TXN2: variants seen among roughly 807,000 people sequenced by gnomAD.
TXN2 encodes the protein thioredoxin, mitochondrial.
A neutral mutation model predicts 14.6 loss-of-function variants in TXN2; 12 were observed. That is an observed-to-expected ratio of 0.82 (90% CI 0.53 to 1.33). The LOEUF is 1.33. TXN2 is among the 40% of genes most tolerant of loss of function. TXN2 has a pLI of 0.00. For synonymous variants in TXN2, 89 were observed against 81.0 expected (o/e 1.10, Z -0.53); for missense variants, 173 against 207.7 (o/e 0.83, Z 1.03).
At chr22:36,474,903 C>T (rs1449624960) in intron 3 of TXN2, among the ~76,000 whole-genome samples, 3 of 152,222 alleles carry the variant, frequency 2.0e-5, no homozygotes, top group African/African-American at 7.2e-5. Flanking sequence ...AGGAAGCCCC[C>T]AACCCAGACA....
intron 2 of TXN2, 146 bp downstream of exon 2, chr22:36,480,429 C>T: frequency 1.0e-6 from 1 of 960,490 alleles, no homozygotes; most frequent in Admixed American, 2.8e-5. Flanking sequence ...GACTGCATTC[C>T]CCTTGAGGGC....
chr22:36,468,072 T>C (rs1316392507), intron 3 of TXN2, among the ~76,000 whole-genome samples, 155 bp from the exon 4 acceptor site: 1 of 152,200 alleles, frequency 6.6e-6, no homozygotes, highest in Non-Finnish European at 1.5e-5. Context: ...CTTCTCTCGG[T>C]GCAGGGGTAC....
chr22:36,479,334 CTTTT>C (rs773194867), intron 2 of TXN2, among the ~76,000 whole-genome samples: 2 of 139,408 alleles, frequency 1.4e-5, no homozygotes, highest in African/African-American at 5.2e-5. Context: ...ATTTCTTTTT[CTTTT>C]TTTTTTTTTT....
At chr22:36,470,956 C>T (rs950745456) in intron 3 of TXN2, among the ~76,000 whole-genome samples, 2 of 151,848 alleles carry the variant, frequency 1.3e-5, no homozygotes, top group African/African-American at 2.4e-5. Flanking sequence ...AGCTTAAACA[C>T]ACACACGCAT....
At position 36,467,741 on chromosome 22, in the gene TXN2, T is replaced by C; in HGVS notation, c.*63A>G. The C allele has an allele frequency of 7.1e-7, 1 of 1,399,950 alleles. No homozygotes were observed. Among genetic ancestry groups the C allele is most frequent in the Non-Finnish European group, 1.0e-6 (1 of 987,820 alleles). 86.7% of individuals were successfully genotyped at this position (1,399,950 alleles called of 1,614,324 possible). ...AGGGAGGCAGCAGGAAGGGCTGGCA[T>C]GGAAGGGCTGAGTTCTATTGGGGTC... On this transcript the variant is annotated 3_prime_UTR_variant, in exon 4 of 4. Coordinates refer to ENST00000216185, the MANE Select transcript of TXN2 (RefSeq NM_012473.4).
intron 3 of TXN2, among the ~76,000 whole-genome samples, chr22:36,476,462 T>C (rs1456111462): frequency 1.3e-5 from 2 of 151,954 alleles, no homozygotes; most frequent in African/African-American, 4.8e-5. Context: ...CGTGGTGGTG[T>C]GCGCCTGTAG....
At chr22:36,481,007 G>A in intron 1 of TXN2, 170 bp from the exon 2 acceptor site, 1 of 713,980 alleles carries the variant, frequency 1.4e-6, no homozygotes, top group Non-Finnish European at 2.1e-6. Context: ...GAGAATCAAA[G>A]GGAAGGAACA....
intron 2 of TXN2, among the ~76,000 whole-genome samples, chr22:36,478,916 C>T (rs1933441700): frequency 1.3e-5 from 2 of 152,038 alleles, no homozygotes; most frequent in Non-Finnish European, 2.9e-5. Flanking sequence ...TGAACCACTG[C>T]AGTCCAGCCT....
In TXN2 at chr22:36,467,173, T is replaced by C. The variant is rs1211783852; in HGVS notation, c.*631A>G. 6.5e-6 allele frequency: 1 copy of C among 153,406 alleles called. No individual in the cohort carries two copies. 9.5% of individuals were successfully genotyped at this position (153,406 alleles called of 1,614,324 possible). A position where few individuals can be genotyped will look rare whatever the true frequency, so the allele number is the denominator to read the frequency against. ...CTTCCGGAGTCGAGGCTCTCCAGGG[T>C]TCCCCAGCCCATCAATCATTTTCTG... On this transcript the variant is annotated 3_prime_UTR_variant, in exon 4 of 4. Transcript: ENST00000216185.
At chr22:36,469,908 A>T (rs1180433523) in intron 3 of TXN2, among the ~76,000 whole-genome samples, 1 of 152,186 alleles carries the variant, frequency 6.6e-6, no homozygotes, top group Non-Finnish European at 1.5e-5. Flanking sequence ...CTGAGCTGAG[A>T]TTGTGCCATT....
At chr22:36,468,584 A>T (rs1933207048) in intron 3 of TXN2, 4 of 376,196 alleles carry the variant, frequency 1.1e-5, no homozygotes, top group South Asian at 7.7e-5. Context: ...AATATTAGCC[A>T]GGCATGGTGG....
intron 3 of TXN2, among the ~76,000 whole-genome samples, chr22:36,475,276 G>T (rs1446828148): frequency 1.3e-5 from 2 of 152,196 alleles, no homozygotes; most frequent in Non-Finnish European, 2.9e-5. Context: ...TACTCCGGAG[G>T]CTGGGACAGG....
chr22:36,468,015 G>T, intron 3 of TXN2, 98 bp from the exon 4 acceptor site: 2 of 1,034,974 alleles, frequency 1.9e-6, no homozygotes, highest in Non-Finnish European at 3.0e-6. Flanking sequence ...GGCTTATCCA[G>T]GGCACTGACT....
At chr22:36,470,690 C>G (rs1396003719) in intron 3 of TXN2, among the ~76,000 whole-genome samples, 1 of 151,468 alleles carries the variant, frequency 6.6e-6, no homozygotes, top group Non-Finnish European at 1.5e-5. Context: ...ATCCCAAGTA[C>G]TTTGGGAGGC....
chr22:36,467,597 C>T lies in TXN2; in HGVS notation c.*207G>A, dbSNP rs1376366646. 2.5e-5 allele frequency: 14 copies of T among 558,394 alleles called. No individual in the cohort carries two copies. The highest frequency in any genetic ancestry group is 1.2e-4 in the East Asian group (4 of 32,230). 34.6% of individuals were successfully genotyped at this position (558,394 alleles called of 1,614,324 possible). On this transcript the variant is annotated 3_prime_UTR_variant, in exon 4 of 4. Coordinates refer to ENST00000216185, the MANE Select transcript of TXN2 (RefSeq NM_012473.4). ...GAAAGGCGTATGGGAGGGAAGACAGCGGTCCCCGGATCAGCAGCAGCACCA... is the reference window on the plus strand; with the variant it reads ...GAAAGGCGTATGGGAGGGAAGACAGTGGTCCCCGGATCAGCAGCAGCACCA...
chr22:36,469,127 A>T (rs1246682704), intron 3 of TXN2, among the ~76,000 whole-genome samples: 1 of 152,246 alleles, frequency 6.6e-6, no homozygotes, highest in Non-Finnish European at 1.5e-5. Flanking sequence ...CCTACCAGCC[A>T]GGTGAGCTGG....
chr22:36,469,306 G>C (rs745642583), intron 3 of TXN2, among the ~76,000 whole-genome samples: 11 of 152,142 alleles, frequency 7.2e-5, no homozygotes, highest in Non-Finnish European at 1.2e-4. Context: ...GCATACTGTG[G>C]GCATTCAAAA....
intron 3 of TXN2, among the ~76,000 whole-genome samples, chr22:36,470,692 T>C (rs1047045880): frequency 6.6e-6 from 1 of 151,748 alleles, no homozygotes; most frequent in Non-Finnish European, 1.5e-5. Flanking sequence ...CCCAAGTACT[T>C]TGGGAGGCCA....
At chr22:36,470,254 C>T (rs1933245782) in intron 3 of TXN2, among the ~76,000 whole-genome samples, 1 of 152,232 alleles carries the variant, frequency 6.6e-6, no homozygotes, top group Non-Finnish European at 1.5e-5. Flanking sequence ...ACAAACACAG[C>T]AGGTCACAGG....
Sources: allele counts gnomAD v4.1 joint callset (sites outside exome capture counted in the v4.1 genomes callset), GRCh38; gene constraint gnomAD v4.1.1; transcripts MANE v1.5; gene names NCBI Gene and HGNC (gene_info 2026-07-23, HGNC 2026-07-21).